The following F11 variants were observed in gnomAD, a reference collection of about 807,000 sequenced individuals.
F11 encodes the protein coagualtion factor XI.
A neutral mutation model predicts 76.5 loss-of-function variants in F11; 78 were observed. The ratio of observed to expected loss-of-function variants is 1.02; its 90% CI spans 0.85 to 1.23. F11 has a LOEUF of 1.23. Among genes scored for constraint, F11 ranks in the 50% most tolerant of loss-of-function variants. F11 has a pLI of 0.00. For synonymous variants in F11, 278 were observed against 276.3 expected, an observed-to-expected ratio of 1.01 and a Z score of -0.06; for missense variants, 742 against 771.4, an observed-to-expected ratio of 0.96 and a Z score of 0.45.
chr4:186,288,910 G>C lies in F11; in HGVS notation c.*296G>C, dbSNP rs4253430. The C allele has an allele frequency of 0.37, 138,663 of 369,930 alleles. 27,378 individuals are homozygous for C. The highest frequency in any genetic ancestry group is 0.51 in the African/African-American group (24,127 of 47,702). The allele number at this position is 369,930 out of a possible 1,614,324, so 22.9% of individuals were successfully genotyped here. ...GAAGATTACTATATAGGCAGATATA[G>C]CAGAAAATAACCAAGTAGTGGCAGT... On this transcript the variant is annotated 3_prime_UTR_variant, in exon 15 of 15. Transcript: ENST00000403665.
In F11 at chr4:186,285,719, G is replaced by A. The variant is rs1177270376; in HGVS notation, c.1386G>A (p.Gly462=). 2 of 1,614,042 alleles carry A rather than the reference G, an allele frequency of 1.2e-6. No individual in the cohort carries two copies. Among genetic ancestry groups the A allele is most frequent in the South Asian group, 2.2e-5 (2 of 91,080 alleles). The change falls in exon 12 of 15, where the codon GGG becomes GGA. Residue 462 remains glycine (G), a synonymous_variant. Transcript: ENST00000403665. The stretch of plus-strand genomic sequence containing the variant: ...TAAAAGAGGACACATCTTTCTTTGG[G>A]GTTCAAGAAATAATAATCCATGATC... ...SEIKEDTSFF[G]VQEIIIHDQY...
Position 186,276,241 on chromosome 4 carries a change from G to A in F11, c.606G>A (p.Arg202=), listed in dbSNP as rs1561483752. ...SCALSNLACI[R]DIFPNTVFAD... Reference sequence around the variant, plus strand: ...TCTTCCGTCGCGCAGCTTGTATTAGGGACATTTTCCCTAATACGGTGTTTG... The same window carrying A: ...TCTTCCGTCGCGCAGCTTGTATTAGAGACATTTTCCCTAATACGGTGTTTG... The change falls in exon 7 of 15, where the codon AGG becomes AGA. Residue 202 remains arginine, a synonymous_variant. Transcript: ENST00000403665. The A allele has an allele frequency of 6.2e-7, 1 of 1,614,004 alleles. No individual in the cohort carries two copies. The highest frequency in any genetic ancestry group is 8.5e-7 in the Non-Finnish European group (1 of 1,180,026).
At chr4:186,284,602 T>G (rs572538761) in intron 11 of F11, among the ~76,000 whole-genome samples, 2 of 151,998 alleles carry the variant, frequency 1.3e-5, no homozygotes, top group South Asian at 4.2e-4. Flanking sequence ...GATTTACCAT[T>G]GTCTGAATCA....
intron 10 of F11, 72 bp downstream of exon 10, chr4:186,280,652 T>C: frequency 7.8e-7 from 1 of 1,280,996 alleles, no homozygotes; most frequent in Non-Finnish European, 1.1e-6. Flanking sequence ...CAATCAAGAC[T>C]GTCAGTTATA....
At chr4:186,274,015 G>A (rs772001103) in intron 4 of F11, 101 bp from the exon 5 acceptor site, 7 of 1,319,642 alleles carry the variant, frequency 5.3e-6, no homozygotes, top group African/African-American at 2.9e-5. Flanking sequence ...TCTGAGGAAA[G>A]GTGGGTGAAA....
At chr4:186,267,280 G>A (rs1739579845) in intron 2 of F11, 89 bp downstream of exon 2, 1 of 875,396 alleles carries the variant, frequency 1.1e-6, no homozygotes, top group Admixed American at 1.7e-5. Context: ...CACCATTTAT[G>A]CCGGGAAGGA....
At chr4:186,288,349 G>C in intron 14 of F11, 104 bp from the exon 15 acceptor site, 1 of 1,430,502 alleles carries the variant, frequency 7.0e-7, no homozygotes, top group Non-Finnish European at 9.9e-7. Flanking sequence ...TATATTAAGG[G>C]GCCAAGACAA....
At chr4:186,273,713 A>G (rs1318962790) in intron 4 of F11, among the ~76,000 whole-genome samples, 1 of 152,208 alleles carries the variant, frequency 6.6e-6, no homozygotes, top group African/African-American at 2.4e-5. Flanking sequence ...TCGGCCTTCC[A>G]GAGTGCCGGG....
chr4:186,268,688 C>T (rs1739690855), intron 2 of F11, among the ~76,000 whole-genome samples: 1 of 151,276 alleles, frequency 6.6e-6, no homozygotes, highest in African/African-American at 2.4e-5. Context: ...GTATTTATAC[C>T]TTTTTAGATT....
At position 186,285,357 on chromosome 4, in the gene F11, C is replaced by T. The variant is rs531949040; in HGVS notation, c.1305-281C>T. On this transcript the variant is annotated intron_variant, in intron 11 of 14. Coordinates refer to ENST00000403665, the MANE Select transcript of F11 (RefSeq NM_000128.4). ...TGTGCGTGTGTGTCTGTGCAGTGTGCGTGTGTGTGCGTGTCTGTGTGTGCG... is the reference window on the plus strand; with the variant it reads ...TGTGCGTGTGTGTCTGTGCAGTGTGTGTGTGTGTGCGTGTCTGTGTGTGCG... 2.3e-3 allele frequency among the ~76,000 whole-genome samples: 347 copies of T among 150,206 alleles called. 1 individual carries two copies. The highest frequency in any genetic ancestry group is 4.3e-3 in the Non-Finnish European group (292 of 67,420).
At chr4:186,285,367 C>T (rs1037813089) in intron 11 of F11, among the ~76,000 whole-genome samples, 4 of 150,524 alleles carry the variant, frequency 2.7e-5, no homozygotes, top group African/African-American at 4.9e-5. Context: ...CGTGTGTGTG[C>T]GTGTCTGTGT....
intron 12 of F11, chr4:186,286,100 CTAAAGATAATTTAT>C (rs1741191954): frequency 3.8e-6 from 2 of 528,924 alleles, no homozygotes; most frequent in Middle Eastern, 5.1e-4. Context: ...ATAATTTAGT[CTAAAGATAATTTAT>C]TAAAGATAAT....
chr4:186,278,686 A>G (rs1262302460), intron 7 of F11, among the ~76,000 whole-genome samples: 1 of 152,224 alleles, frequency 6.6e-6, no homozygotes, highest in African/African-American at 2.4e-5. Flanking sequence ...AGCAGAGTGT[A>G]GGAGAAGCAA....
At position 186,275,861 on chromosome 4, in the gene F11, G is replaced by T. The variant is rs1740324523; in HGVS notation, c.560G>T (p.Gly187Val). The change falls in exon 6 of 15, where the codon GGA (glycine) becomes GTA (valine). Residue 187 changes from glycine to valine, a missense_variant. Gly to Val is a moderately radical substitution (Grantham distance 109). Transcript: ENST00000403665. ...ACGAAGCTCGATAAAGTGGTGTCTG[G>T]ATTTTCACTGAAATCCTGTGCACTT... ...RITKLDKVVSGFSLKSCALSN... is the reference protein window; with the variant it reads ...RITKLDKVVSVFSLKSCALSN... The T allele has an allele frequency of 6.2e-7, 1 of 1,613,162 alleles. No homozygotes were observed. Among genetic ancestry groups the T allele is most frequent in the Non-Finnish European group, 8.5e-7 (1 of 1,179,490 alleles).
intron 1 of F11, 58 bp downstream of exon 1, chr4:186,266,353 C>CT (rs1232344702): frequency 5.9e-5 from 9 of 152,074 alleles, no homozygotes; most frequent in Middle Eastern, 3.2e-3. Flanking sequence ...CCTTGAAATG[C>CT]TTTTTTTAAA....
At chr4:186,269,299 AC>A (rs1261428924) in intron 2 of F11, among the ~76,000 whole-genome samples, 1 of 152,204 alleles carries the variant, frequency 6.6e-6, no homozygotes, top group African/African-American at 2.4e-5. Context: ...ATACTTGTAC[AC>A]CCATCTCATA....
chr4:186,273,117 G>A lies in F11; in HGVS notation c.265G>A (p.Val89Met), dbSNP rs1740101842. 1.2e-6 allele frequency: 2 copies of A among 1,614,070 alleles called. No individual in the cohort carries two copies. The highest frequency in any genetic ancestry group is 8.5e-7 in the Non-Finnish European group (1 of 1,179,960). ...KDSVTETLPR[V>M]NRTAAISGYS... ...CAGTGTTACAGAAACACTGCCAAGA[G>A]TGAATAGGACAGCAGCGATTTCTGG... Residue 89 changes from valine (V) to methionine (M), a missense_variant, in exon 4 of 15, where the codon GTG becomes ATG. Transcript: ENST00000403665.
Position 186,273,053 on chromosome 4 carries a change from T to G in F11, c.219-18T>G. ...ACATAAATTCCTATTCATTAATATG[T>G]ATTTTTTAAAAAAACAGGTTTACTT... On this transcript the variant is annotated intron_variant, in intron 3 of 14. Coordinates refer to ENST00000403665, the MANE Select transcript of F11 (RefSeq NM_000128.4). 1.3e-6 allele frequency: 2 copies of G among 1,495,084 alleles called. No individual in the cohort carries two copies. Among genetic ancestry groups the G allele is most frequent in the African/African-American group, 1.4e-5 (1 of 72,024 alleles). The allele number at this position is 1,495,084 out of a possible 1,614,324, so 92.6% of individuals were successfully genotyped here. A position where few individuals can be genotyped will look rare whatever the true frequency, so the allele number is the denominator to read the frequency against.
At chr4:186,276,879 G>T (rs547502716) in intron 7 of F11, among the ~76,000 whole-genome samples, 1 of 152,068 alleles carries the variant, frequency 6.6e-6, no homozygotes, top group African/African-American at 2.4e-5. Flanking sequence ...TTGGGCCACC[G>T]TGCCCGGCCA....
Sources: allele counts gnomAD v4.1 joint callset (sites outside exome capture counted in the v4.1 genomes callset), GRCh38; gene constraint gnomAD v4.1.1; transcripts MANE v1.5; gene names NCBI Gene and HGNC (gene_info 2026-07-23, HGNC 2026-07-21).